EDARADD: variants seen among roughly 807,000 people sequenced by gnomAD.
The protein encoded by EDARADD is EDAR associated via death domain.
A neutral mutation model predicts 25.6 loss-of-function variants in EDARADD; 20 were observed. That is an observed-to-expected ratio of 0.78 (90% confidence interval 0.55 to 1.14). EDARADD has a LOEUF of 1.14. Among genes scored for constraint, EDARADD ranks in the 50% most tolerant of loss-of-function variants. The pLI is 0.00. For missense variants in EDARADD, 225 were observed against 270.1 expected (o/e 0.83, Z 1.17); for synonymous variants, 86 against 94.4 (o/e 0.91, Z 0.52).
At chr1:236,388,126 GTA>G (rs1553264176) in intron 3 of EDARADD, among the ~76,000 whole-genome samples, 17 of 68,094 alleles carry the variant, frequency 2.5e-4, no homozygotes, top group Admixed American at 8.7e-4. Context: ...ATTGCATTGT[GTA>G]TGTGTGTGTG....
At chr1:236,353,880 TA>T (rs900381891) in intron 3 of EDARADD, among the ~76,000 whole-genome samples, 7 of 150,898 alleles carry the variant, frequency 4.6e-5, no homozygotes, top group Non-Finnish European at 7.4e-5. Context: ...GCTCTTTCCT[TA>T]AAAAAAAAGT....
chr1:236,472,971 A>T (rs1659397089), intron 5 of EDARADD, among the ~76,000 whole-genome samples: 1 of 152,174 alleles, frequency 6.6e-6, no homozygotes. Context: ...GACAATTTCT[A>T]GATAAAGAGC....
At chr1:236,404,207 A>C (rs1667667878) in intron 1 of EDARADD, among the ~76,000 whole-genome samples, 1 of 152,206 alleles carries the variant, frequency 6.6e-6, no homozygotes, top group Non-Finnish European at 1.5e-5. Context: ...GGGAAAAACA[A>C]ACATTTTAAA....
At chr1:236,372,497 C>T (rs561374956) in intron 3 of EDARADD, among the ~76,000 whole-genome samples, 12 of 152,178 alleles carry the variant, frequency 7.9e-5, no homozygotes, top group Non-Finnish European at 1.8e-4. Flanking sequence ...ATTTTTGAAT[C>T]TATGTTCACA....
At chr1:236,393,391 CTTTT>C (rs761525038), upstream of EDARADD, among the ~76,000 whole-genome samples, 62 of 87,192 alleles carry the variant, frequency 7.1e-4, no homozygotes, top group East Asian at 2.4e-3. Context: ...TTCTTTCTTT[CTTTT>C]TTTTTTTTTT....
chr1:236,366,920 T>A (rs1003355886), intron 3 of EDARADD, among the ~76,000 whole-genome samples: 1 of 151,466 alleles, frequency 6.6e-6, no homozygotes, highest in African/African-American at 2.4e-5. Flanking sequence ...CTACTAAAAA[T>A]ACAAAAATTA....
At chr1:236,370,325 G>A (rs1411531785) in intron 3 of EDARADD, among the ~76,000 whole-genome samples, 2 of 152,102 alleles carry the variant, frequency 1.3e-5, no homozygotes, top group African/African-American at 4.8e-5. Flanking sequence ...GGAGGCTGAG[G>A]CATGAGAATT....
chr1:236,375,105 C>G (rs1413404597), intron 3 of EDARADD, among the ~76,000 whole-genome samples: 1 of 151,284 alleles, frequency 6.6e-6, no homozygotes, highest in Non-Finnish European at 1.5e-5. Context: ...AGTTGTTGTC[C>G]TACAGTTTGC....
intron 3 of EDARADD, among the ~76,000 whole-genome samples, chr1:236,351,884 A>G (rs552117165): frequency 6.6e-6 from 1 of 152,226 alleles, no homozygotes; most frequent in East Asian, 1.9e-4. Flanking sequence ...CTGAATATTC[A>G]TGAGAATTCC....
chr1:236,413,243 T>C (rs941573637), intron 2 of EDARADD, among the ~76,000 whole-genome samples: 1 of 152,212 alleles, frequency 6.6e-6, no homozygotes, highest in African/African-American at 2.4e-5. Context: ...GAGAACTAAT[T>C]TGATCTGGGG....
intron 1 of EDARADD, among the ~76,000 whole-genome samples, chr1:236,407,987 G>C (rs974058766): frequency 6.6e-6 from 1 of 152,154 alleles, no homozygotes; most frequent in Non-Finnish European, 1.5e-5. Flanking sequence ...TAAGAAAAAT[G>C]AGTTGCAGCA....
chr1:236,412,893 A>G (rs545636280), intron 2 of EDARADD, among the ~76,000 whole-genome samples: 1 of 152,306 alleles, frequency 6.6e-6, no homozygotes, highest in South Asian at 2.1e-4. Context: ...TTTTGAGACC[A>G]ACTCTTGCTC....
chr1:236,355,765 C>T (rs1219820496), intron 3 of EDARADD, among the ~76,000 whole-genome samples: 6 of 151,966 alleles, frequency 3.9e-5, no homozygotes, highest in African/African-American at 1.5e-4. Flanking sequence ...CCACCTCAGC[C>T]TCCCAAAGTG....
At chr1:236,418,240 A>G (rs1657693878) in intron 3 of EDARADD, among the ~76,000 whole-genome samples, 2 of 149,314 alleles carry the variant, frequency 1.3e-5, no homozygotes, top group South Asian at 2.1e-4. Context: ...GGCGTGAGCC[A>G]CCGCGCCCGG....
chr1:236,483,241 C>T lies in EDARADD; in HGVS notation c.*592C>T, dbSNP rs1291518668. 7.1e-5 allele frequency: 114 copies of T among 1,595,824 alleles called. 1 individual carries two copies. The South Asian group carries it at 1.1e-3, about 16-fold the overall frequency. ...CCCACTGTTGAGGTTGATCTCTTCA[C>T]CTCAGAAGGTCTCTTCAGAGCTGCT... On this transcript the variant is annotated 3_prime_UTR_variant, in exon 6 of 6. Coordinates refer to ENST00000334232, the MANE Select transcript of EDARADD (RefSeq NM_145861.4).
chr1:236,413,133 G>A (rs536991844), intron 2 of EDARADD, among the ~76,000 whole-genome samples: 31 of 152,326 alleles, frequency 2.0e-4, no homozygotes, highest in South Asian at 6.2e-4. Context: ...CAAAGTGCTG[G>A]GATTACAGGC....
chr1:236,420,390 C>T (rs1657754567), intron 3 of EDARADD, among the ~76,000 whole-genome samples: 2 of 152,074 alleles, frequency 1.3e-5, no homozygotes, highest in Admixed American at 1.3e-4. Flanking sequence ...TAGAGTATGG[C>T]CTTGAATTCT....
intron 2 of EDARADD, among the ~76,000 whole-genome samples, chr1:236,410,632 CGT>C (rs1657441743): frequency 6.6e-6 from 1 of 152,090 alleles, no homozygotes; most frequent in South Asian, 2.1e-4. Flanking sequence ...TGTCAGGCAG[CGT>C]GTGTGATGGG....
chr1:236,435,386 G>C (rs542081919), intron 4 of EDARADD, among the ~76,000 whole-genome samples: 3 of 152,132 alleles, frequency 2.0e-5, no homozygotes, highest in Admixed American at 2.0e-4. Context: ...GCCCCTTGAG[G>C]GCAGGGACTC....
Sources: allele counts gnomAD v4.1 joint callset (sites outside exome capture counted in the v4.1 genomes callset), GRCh38; gene constraint gnomAD v4.1.1; transcripts MANE v1.5; gene names NCBI Gene and HGNC (gene_info 2026-07-23, HGNC 2026-07-21).